CADM1: variants seen among roughly 807,000 people sequenced by gnomAD.
CADM1 encodes TSLC-1.
CADM1 carries 15 observed loss-of-function variants against 53.1 expected under a neutral mutation model. The observed-to-expected ratio is 0.28, with a 90% CI of 0.19 to 0.44. The LOEUF is 0.44. CADM1 is among the 20% of genes least tolerant of loss of function. The probability of loss-of-function intolerance (pLI) is 1.00; values close to 1 mark genes in which losing one functional copy is unlikely to be tolerated. For missense variants in CADM1, 434 were observed against 611.3 expected (o/e 0.71, Z 3.06); for synonymous variants, 281 against 243.0 (o/e 1.16, Z -1.45).
chr11:115,282,311 AC>A (rs980817307), intron 1 of CADM1, among the ~76,000 whole-genome samples: 2 of 152,210 alleles, frequency 1.3e-5, no homozygotes, highest in Non-Finnish European at 2.9e-5. Flanking sequence ...CAGGATTCAA[AC>A]CCAGCTGCAT....
chr11:115,465,463 C>T (rs1038978156), intron 1 of CADM1, among the ~76,000 whole-genome samples: 1 of 152,092 alleles, frequency 6.6e-6, no homozygotes, highest in Non-Finnish European at 1.5e-5. Context: ...CACCCACAAC[C>T]TTTCCCCAGG....
intron 1 of CADM1, among the ~76,000 whole-genome samples, chr11:115,357,978 G>A (rs1945921881): frequency 6.6e-6 from 1 of 151,994 alleles, no homozygotes; most frequent in Admixed American, 6.6e-5. Context: ...CCATAAAATT[G>A]CATTTTATTC....
intron 10 of CADM1, among the ~76,000 whole-genome samples, chr11:115,180,685 TG>T (rs1352684181): frequency 1.6e-4 from 25 of 151,962 alleles, no homozygotes; most frequent in African/African-American, 6.0e-4. Flanking sequence ...GCATTCCCCG[TG>T]GGGTGCTGCT....
intron 1 of CADM1, among the ~76,000 whole-genome samples, chr11:115,374,964 T>C (rs1946402103): frequency 6.6e-6 from 1 of 152,198 alleles, no homozygotes; most frequent in South Asian, 2.1e-4. Context: ...TTACAGAATT[T>C]TAATACTGCC....
At chr11:115,362,850 T>C (rs1448836385) in intron 1 of CADM1, among the ~76,000 whole-genome samples, 1 of 152,222 alleles carries the variant, frequency 6.6e-6, no homozygotes, top group Non-Finnish European at 1.5e-5. Context: ...GGTACCATCA[T>C]TACTTTTACA....
chr11:115,388,946 A>G (rs898967906), intron 1 of CADM1, among the ~76,000 whole-genome samples: 1 of 152,168 alleles, frequency 6.6e-6, no homozygotes, highest in Non-Finnish European at 1.5e-5. Context: ...ATTAGATAAA[A>G]GTATTATGTC....
intron 3 of CADM1, among the ~76,000 whole-genome samples, chr11:115,231,834 A>G (rs1159690229): frequency 1.3e-5 from 2 of 152,080 alleles, no homozygotes; most frequent in Non-Finnish European, 2.9e-5. Context: ...TAAAAATACA[A>G]AATTATCCGG....
At chr11:115,489,358 A>G (rs116366136) in intron 1 of CADM1, among the ~76,000 whole-genome samples, 1,852 of 152,298 alleles carry the variant, frequency 0.012, 37 homozygotes, top group African/African-American at 0.042. Context: ...TAAGACCACC[A>G]CTAAATTAAA....
At chr11:115,366,756 GA>G (rs1189439945) in intron 1 of CADM1, among the ~76,000 whole-genome samples, 2 of 152,022 alleles carry the variant, frequency 1.3e-5, no homozygotes, top group Admixed American at 6.5e-5. Flanking sequence ...GAGTAACACA[GA>G]GGAAACTGGA....
chr11:115,399,688 A>G (rs1009462251), intron 1 of CADM1, among the ~76,000 whole-genome samples: 3 of 152,122 alleles, frequency 2.0e-5, no homozygotes, highest in Non-Finnish European at 4.4e-5. Flanking sequence ...AGCCATCCTC[A>G]TTCTTTTTTT....
chr11:115,406,678 G>A (rs776184887), intron 1 of CADM1, among the ~76,000 whole-genome samples: 6 of 150,720 alleles, frequency 4.0e-5, no homozygotes, highest in East Asian at 1.9e-4. Context: ...CAGGCGCTGT[G>A]GCTCACGCCT....
intron 1 of CADM1, among the ~76,000 whole-genome samples, chr11:115,265,817 C>T (rs1407752841): frequency 6.6e-6 from 1 of 152,184 alleles, no homozygotes; most frequent in Non-Finnish European, 1.5e-5. Context: ...TTTCTCACCA[C>T]CCCTCCCCTC....
At chr11:115,402,994 C>T (rs1186239606) in intron 1 of CADM1, among the ~76,000 whole-genome samples, 3 of 152,160 alleles carry the variant, frequency 2.0e-5, no homozygotes, top group Non-Finnish European at 2.9e-5. Flanking sequence ...ATTTAGCAAA[C>T]ACCATAGGAA....
chr11:115,221,080 G>T lies in CADM1; in HGVS notation c.722-3089C>A, dbSNP rs117319529. 5.3e-4 allele frequency among the ~76,000 whole-genome samples: 80 copies of T among 152,250 alleles called. 1 individual carries two copies. In the East Asian group the frequency reaches 0.014, roughly 27 times the overall value. ...TTTCTGGGGGATCATTTTACGCCTCGGTTGGTGTTGTAAGGCATGAGGCCA... is the reference window on the plus strand; with the variant it reads ...TTTCTGGGGGATCATTTTACGCCTCTGTTGGTGTTGTAAGGCATGAGGCCA... On this transcript the variant is annotated intron_variant, in intron 5 of 11. Transcript: ENST00000331581.
chr11:115,499,722 G>A (rs560696120), intron 1 of CADM1, among the ~76,000 whole-genome samples: 2 of 152,192 alleles, frequency 1.3e-5, no homozygotes, highest in African/African-American at 2.4e-5. Flanking sequence ...CCTGGCCTTC[G>A]GCTACTTTAC....
At chr11:115,327,129 A>G (rs1469051626) in intron 1 of CADM1, among the ~76,000 whole-genome samples, 1 of 152,168 alleles carries the variant, frequency 6.6e-6, no homozygotes, top group Non-Finnish European at 1.5e-5. Flanking sequence ...CATGCATACT[A>G]TCTAATTTGC....
intron 1 of CADM1, among the ~76,000 whole-genome samples, chr11:115,431,730 G>A (rs906758789): frequency 6.6e-6 from 1 of 151,786 alleles, no homozygotes; most frequent in Non-Finnish European, 1.5e-5. Flanking sequence ...TTTTCAACCT[G>A]GTCACACCAG....
intron 1 of CADM1, among the ~76,000 whole-genome samples, chr11:115,310,304 A>T (rs1410685309): frequency 6.6e-6 from 1 of 152,100 alleles, no homozygotes; most frequent in Non-Finnish European, 1.5e-5. Context: ...CCAGAAGTTA[A>T]TAGAGTACCT....
chr11:115,346,187 C>T (rs1945571918), intron 1 of CADM1, among the ~76,000 whole-genome samples: 3 of 152,140 alleles, frequency 2.0e-5, no homozygotes. Flanking sequence ...CAGCATTATC[C>T]CTGACAGCCT....
Sources: allele counts gnomAD v4.1 joint callset (sites outside exome capture counted in the v4.1 genomes callset), GRCh38; gene constraint gnomAD v4.1.1; transcripts MANE v1.5; gene names NCBI Gene and HGNC (gene_info 2026-07-23, HGNC 2026-07-21).